Variants in NCKAP5 observed in about 807,000 individuals in gnomAD.
The protein encoded by NCKAP5 is nck-associated protein 5.
A neutral mutation model predicts 167.0 loss-of-function variants in NCKAP5; 92 were observed. The ratio of observed to expected loss-of-function variants is 0.55; its 90% CI spans 0.47 to 0.66. The LOEUF (loss-of-function observed/expected upper bound fraction) is 0.66. Among genes scored for constraint, NCKAP5 ranks in the 30% least tolerant of loss-of-function variants. The probability of loss-of-function intolerance (pLI) is 0.00; values close to 1 mark genes in which losing one functional copy is unlikely to be tolerated. For synonymous variants in NCKAP5, 891 were observed against 877.4 expected (o/e 1.02, Z -0.27); for missense variants, 2,378 against 2,315.0 (o/e 1.03, Z -0.56).
At chr2:132,831,156 G>A (rs1171913622) in intron 11 of NCKAP5, among the ~76,000 whole-genome samples, 1 of 152,172 alleles carries the variant, frequency 6.6e-6, no homozygotes, top group African/African-American at 2.4e-5. Flanking sequence ...ACCGCATGGT[G>A]CTCCATCACA....
At chr2:132,920,126 G>T (rs1695197070) in intron 8 of NCKAP5, among the ~76,000 whole-genome samples, 1 of 140,558 alleles carries the variant, frequency 7.1e-6, no homozygotes, top group African/African-American at 3.0e-5. Context: ...CTTGCCATCT[G>T]GCCTTTTCAT....
intron 3 of NCKAP5, among the ~76,000 whole-genome samples, chr2:133,475,508 T>A (rs1679803207): frequency 6.6e-6 from 1 of 152,248 alleles, no homozygotes; most frequent in African/African-American, 2.4e-5. Flanking sequence ...TATTTTCTAA[T>A]GTAGTATGCC....
intron 5 of NCKAP5, among the ~76,000 whole-genome samples, chr2:133,203,041 T>C (rs2085772009): frequency 6.6e-6 from 1 of 152,188 alleles, no homozygotes; most frequent in Non-Finnish European, 1.5e-5. Flanking sequence ...CATTTCTGGG[T>C]ATATACCCAG....
chr2:132,761,748 T>C (rs556375132), intron 16 of NCKAP5, among the ~76,000 whole-genome samples: 1 of 152,304 alleles, frequency 6.6e-6, no homozygotes, highest in Admixed American at 6.5e-5. Context: ...TGGGAAGACT[T>C]GCTACATAGG....
rs11275092 is a variant in NCKAP5, at chr2:132,949,003, TGAAAAGAAAAGAAAAGAAAA to T, written c.579+14697_579+14716del. ...CAGAAGCAACAAAGATCCAGAGAAA[TGAAAAGAAAAGAAAAGAAAA>T]GAAAAGAAAAGAAAAGAAAAGAAAA... On this transcript the variant is annotated intron_variant, in intron 8 of 19. Coordinates refer to ENST00000409261, the MANE Select transcript of NCKAP5 (RefSeq NM_207363.3). Among the ~76,000 whole-genome samples, 63 of 130,330 alleles carry T rather than the reference TGAAAAGAAAAGAAAAGAAAA, an allele frequency of 4.8e-4. 1 individual carries two copies. The highest frequency in any genetic ancestry group is 3.0e-3 in the East Asian group (13 of 4,332). 85.5% of individuals were successfully genotyped at this position (130,330 alleles called of 152,430 possible).
At chr2:133,642,624 A>AAGCAGGC in the NCKAP5 span, among the ~76,000 whole-genome samples, 3 of 152,208 alleles carry the variant, frequency 2.0e-5, no homozygotes, top group Non-Finnish European at 4.4e-5. Context: ...CATGTTTTGC[A>AAGCAGGC]AGCAGGCTGA....
chr2:132,979,672 T>C (rs1288786187), intron 7 of NCKAP5, among the ~76,000 whole-genome samples: 5 of 152,226 alleles, frequency 3.3e-5, no homozygotes, highest in African/African-American at 7.2e-5. Flanking sequence ...AGAATACCCA[T>C]AGTCCTCTGC....
intron 4 of NCKAP5, among the ~76,000 whole-genome samples, chr2:133,234,246 T>C (rs1004195085): frequency 6.6e-6 from 1 of 152,290 alleles, no homozygotes; most frequent in African/African-American, 2.4e-5. Flanking sequence ...CTGATGGCCA[T>C]AACATAAGTC....
the NCKAP5 span, among the ~76,000 whole-genome samples, chr2:133,585,278 A>G: frequency 6.6e-6 from 1 of 152,344 alleles, no homozygotes; most frequent in South Asian, 2.1e-4. Flanking sequence ...CTTTTCATAC[A>G]GGTTTCATTA....
intron 5 of NCKAP5, among the ~76,000 whole-genome samples, chr2:133,165,692 G>A (rs917999070): frequency 1.9e-4 from 29 of 152,228 alleles, no homozygotes; most frequent in African/African-American, 6.7e-4. Context: ...CTTCTCCTGT[G>A]TTATGAGCAT....
chr2:133,580,762 G>A, the NCKAP5 span, among the ~76,000 whole-genome samples: 2 of 152,306 alleles, frequency 1.3e-5, no homozygotes, highest in African/African-American at 2.4e-5. Context: ...ACAGACTTTG[G>A]TTTTGCATGT....
At chr2:132,936,796 CT>C (rs2149082911) in intron 8 of NCKAP5, among the ~76,000 whole-genome samples, 1 of 152,214 alleles carries the variant, frequency 6.6e-6, no homozygotes, top group South Asian at 2.1e-4. Flanking sequence ...TTTCTATTTA[CT>C]TTCTAAAATG....
chr2:133,053,373 C>A (rs145040788), intron 6 of NCKAP5, among the ~76,000 whole-genome samples: 205 of 152,312 alleles, frequency 1.3e-3, no homozygotes, highest in Admixed American at 5.0e-3. Context: ...AAATCAAAGT[C>A]TTTGGTCTAG....
intron 6 of NCKAP5, among the ~76,000 whole-genome samples, chr2:133,065,554 G>A (rs532120192): frequency 1.3e-5 from 2 of 152,278 alleles, no homozygotes; most frequent in South Asian, 2.1e-4. Context: ...GAACCCGGGA[G>A]GCAGAAGTTG....
intron 6 of NCKAP5, among the ~76,000 whole-genome samples, chr2:133,050,901 A>G (rs930163753): frequency 4.6e-5 from 7 of 152,230 alleles, no homozygotes; most frequent in Non-Finnish European, 1.0e-4. Context: ...AGAAAGAGGG[A>G]TAAAAGTGCT....
intron 3 of NCKAP5, among the ~76,000 whole-genome samples, chr2:133,510,588 T>C (rs1172443165): frequency 6.6e-6 from 1 of 152,232 alleles, no homozygotes. Context: ...GGCTTCCCTC[T>C]GATCTAGACT....
At chr2:133,395,137 A>C (rs1687655730) in intron 3 of NCKAP5, among the ~76,000 whole-genome samples, 1 of 152,216 alleles carries the variant, frequency 6.6e-6, no homozygotes, top group South Asian at 2.1e-4. Flanking sequence ...TCAGACTAAA[A>C]CATGAAAGTT....
intron 4 of NCKAP5, among the ~76,000 whole-genome samples, chr2:133,264,518 A>T (rs183451767): frequency 5.3e-5 from 8 of 152,296 alleles, no homozygotes; most frequent in African/African-American, 1.7e-4. Flanking sequence ...GGGGCCTACA[A>T]TGGTGCCCAA....
chr2:133,319,172 C>T (rs1681850561), intron 3 of NCKAP5, among the ~76,000 whole-genome samples: 1 of 150,524 alleles, frequency 6.6e-6, no homozygotes, highest in Non-Finnish European at 1.5e-5. Flanking sequence ...CTTCCACCCC[C>T]TGCATTTTCA....
Sources: gnomAD v4.1 joint callset for allele counts (sites outside exome capture counted in the v4.1 genomes callset) on GRCh38, gnomAD v4.1.1 for gene constraint, MANE v1.5 for transcripts, NCBI Gene and HGNC (gene_info 2026-07-23, HGNC 2026-07-21) for gene names.